The following STPG2 variants were observed in gnomAD, a reference collection of about 807,000 sequenced individuals.
STPG2 encodes sperm tail PG-rich repeat containing 2.
Under a neutral mutation model 54.2 loss-of-function variants are expected in STPG2, and 56 were observed. The observed-to-expected ratio is 1.03, with a 90% confidence interval of 0.83 to 1.29. The LOEUF is 1.29. STPG2 is among the 50% of genes most tolerant of loss of function. The pLI is 0.00. For synonymous variants in STPG2, 200 were observed against 181.8 expected (o/e 1.10, Z -0.81); for missense variants, 596 against 544.9 (o/e 1.09, Z -0.93).
chr4:97,504,077 A>G (rs1378870548), intron 4 of STPG2, among the ~76,000 whole-genome samples: 1 of 142,558 alleles, frequency 7.0e-6, no homozygotes, highest in African/African-American at 2.5e-5. Context: ...TTTTATTTAA[A>G]TATTTATTTT....
At chr4:97,782,110 G>T (rs569359571) in intron 9 of STPG2, among the ~76,000 whole-genome samples, 1 of 152,112 alleles carries the variant, frequency 6.6e-6, no homozygotes. Flanking sequence ...ATCAATAAAG[G>T]GTATTCAATT....
At chr4:97,505,562 A>G (rs1730826356) in intron 4 of STPG2, among the ~76,000 whole-genome samples, 1 of 151,978 alleles carries the variant, frequency 6.6e-6, no homozygotes, top group Non-Finnish European at 1.5e-5. Flanking sequence ...CTAAGTTCTC[A>G]ATGGCATTGT....
At chr4:97,849,574 G>GA (rs1578619355) in intron 8 of STPG2, among the ~76,000 whole-genome samples, 1 of 151,758 alleles carries the variant, frequency 6.6e-6, no homozygotes, top group Non-Finnish European at 1.5e-5. Flanking sequence ...AAATTCACAA[G>GA]AAAAAAACAA....
chr4:98,024,433 A>G (rs1287055832), intron 5 of STPG2, among the ~76,000 whole-genome samples: 2 of 152,166 alleles, frequency 1.3e-5, no homozygotes, highest in African/African-American at 4.8e-5. Context: ...GTCACTGCTG[A>G]TCTCAATGAA....
intron 5 of STPG2, among the ~76,000 whole-genome samples, chr4:97,996,231 T>C (rs1735204270): frequency 6.6e-6 from 1 of 152,186 alleles, no homozygotes; most frequent in South Asian, 2.1e-4. Flanking sequence ...ATGGTACTGG[T>C]ACAGAAGCAG....
chr4:97,930,961 C>A (rs1214669911), intron 8 of STPG2, among the ~76,000 whole-genome samples: 1 of 152,068 alleles, frequency 6.6e-6, no homozygotes, highest in Non-Finnish European at 1.5e-5. Flanking sequence ...TGAATGAGTT[C>A]ATTTGTGATT....
chr4:98,120,524 C>T (rs1739649394), intron 3 of STPG2, among the ~76,000 whole-genome samples: 1 of 151,850 alleles, frequency 6.6e-6, no homozygotes, highest in Non-Finnish European at 1.5e-5. Flanking sequence ...TTTACATTTC[C>T]ACCAACAGTG....
At chr4:98,094,331 C>A (rs1481531875) in intron 5 of STPG2, among the ~76,000 whole-genome samples, 1 of 152,158 alleles carries the variant, frequency 6.6e-6, no homozygotes. Flanking sequence ...ACTAAAGAGC[C>A]CTTGGGCCCT....
chr4:97,963,113 C>T (rs1222539934), intron 7 of STPG2, among the ~76,000 whole-genome samples: 4 of 151,990 alleles, frequency 2.6e-5, no homozygotes, highest in Non-Finnish European at 4.4e-5. Flanking sequence ...GAGCAGACAT[C>T]GCACCATTGT....
At chr4:97,677,901 A>C (rs561193860) in intron 10 of STPG2, among the ~76,000 whole-genome samples, 1 of 152,300 alleles carries the variant, frequency 6.6e-6, no homozygotes, top group South Asian at 2.1e-4. Context: ...ACTCTTATCC[A>C]GCATAGGTAT....
intron 10 of STPG2, among the ~76,000 whole-genome samples, chr4:97,570,290 G>A (rs754860176): frequency 2.6e-5 from 4 of 151,890 alleles, no homozygotes; most frequent in Non-Finnish European, 5.9e-5. Context: ...AGCTAAACTC[G>A]GTTTTATAAT....
chr4:97,741,215 A>C (rs1223503039), intron 9 of STPG2, among the ~76,000 whole-genome samples: 1 of 152,124 alleles, frequency 6.6e-6, no homozygotes, highest in African/African-American at 2.4e-5. Flanking sequence ...AATTAATTCA[A>C]GATGGACTAA....
At position 97,885,867 on chromosome 4, in the gene STPG2, G is replaced by C. The variant is rs190541212; in HGVS notation, c.1045-44935C>G. Among the ~76,000 whole-genome samples the C allele has an allele frequency of 4.9e-4, 75 of 151,826 alleles. 1 individual carries two copies. Among genetic ancestry groups the C allele is most frequent in the South Asian group, 4.2e-4 (2 of 4,806 alleles). On this transcript the variant is annotated intron_variant, in intron 8 of 10. Coordinates refer to ENST00000295268, the MANE Select transcript of STPG2 (RefSeq NM_174952.3). ...TCACAAACAACTTGAGAAAACTCAA[G>C]AAAAATACAAAGATAAAAACTATTT... is the stretch of plus-strand genomic sequence containing the variant.
chr4:97,897,785 CT>C (rs1457945487), intron 8 of STPG2, among the ~76,000 whole-genome samples: 1 of 152,022 alleles, frequency 6.6e-6, no homozygotes, highest in African/African-American at 2.4e-5. Flanking sequence ...GTTTAAGTTC[CT>C]TATAGATGCT....
chr4:98,016,302 T>G (rs1735943988), intron 5 of STPG2, among the ~76,000 whole-genome samples: 1 of 152,214 alleles, frequency 6.6e-6, no homozygotes, highest in South Asian at 2.1e-4. Context: ...TCTGGATGTT[T>G]GTGTTCCTTT....
intron 9 of STPG2, among the ~76,000 whole-genome samples, chr4:97,788,928 AT>A (rs1292697053): frequency 6.6e-6 from 1 of 152,044 alleles, no homozygotes; most frequent in Non-Finnish European, 1.5e-5. Flanking sequence ...AGAATTAACA[AT>A]TTTACTAACT....
intron 10 of STPG2, among the ~76,000 whole-genome samples, chr4:97,637,056 A>C (rs920232106): frequency 5.1e-4 from 66 of 130,008 alleles, no homozygotes; most frequent in Non-Finnish European, 8.2e-4. Context: ...GAATTTTAGA[A>C]CAATATCCTT....
chr4:97,931,402 G>A (rs1025489338), intron 8 of STPG2, among the ~76,000 whole-genome samples: 3 of 152,132 alleles, frequency 2.0e-5, no homozygotes, highest in Non-Finnish European at 2.9e-5. Context: ...CAGGCATGTT[G>A]AATTTTATCA....
chr4:97,939,765 CTG>C (rs1732905018), intron 8 of STPG2, among the ~76,000 whole-genome samples: 1 of 152,204 alleles, frequency 6.6e-6, no homozygotes, highest in African/African-American at 2.4e-5. Context: ...GCTTGTCTTT[CTG>C]TGCCTTTTAA....
Sources: gnomAD v4.1 joint callset for allele counts (sites outside exome capture counted in the v4.1 genomes callset) on GRCh38, gnomAD v4.1.1 for gene constraint, MANE v1.5 for transcripts, NCBI Gene and HGNC (gene_info 2026-07-23, HGNC 2026-07-21) for gene names.